The following TMEM255A variants were observed in gnomAD, a reference collection of about 807,000 sequenced individuals.
The protein encoded by TMEM255A is transmembrane protein 255A.
TMEM255A carries 14 observed loss-of-function variants against 23.5 expected under a neutral mutation model. That is an observed-to-expected ratio of 0.60 (90% CI 0.39 to 0.93). TMEM255A has a LOEUF of 0.93. TMEM255A is among the 40% of genes least tolerant of loss of function. TMEM255A has a pLI of 0.00. For missense variants in TMEM255A, 233 were observed against 261.7 expected, an observed-to-expected ratio of 0.89 and a Z score of 0.76; for synonymous variants, 104 against 100.3, an observed-to-expected ratio of 1.04 and a Z score of -0.22.
In TMEM255A at chrX:120,285,300, G is replaced by C. The variant is rs1248886799; in HGVS notation, c.424-85C>G. The C allele has an allele frequency of 1.1e-5, 9 of 821,107 alleles. No individual in the cohort carries two copies. The African/African-American group carries it at 1.8e-4, about 17-fold the overall frequency. The allele number at this position is 821,107 out of a possible 1,213,427, so 67.7% of individuals were successfully genotyped here. A position where few individuals can be genotyped will look rare whatever the true frequency, so the allele number is the denominator to read the frequency against. On this transcript the variant is annotated intron_variant, in intron 5 of 8. Transcript: ENST00000371369. ...GGATTGGAAATGCGAGTTAGTGACT[G>C]ATGGAGACAGTAAGGATGGCTTTGA...
intron 5 of TMEM255A, chrX:120,286,052 T>C: frequency 6.5e-6 from 3 of 460,907 alleles, no homozygotes; most frequent in Non-Finnish European, 1.0e-5. Flanking sequence ...GATAAGCTGT[T>C]ATCATATATG....
At chrX:120,279,482 A>G (rs2057822591) in intron 6 of TMEM255A, among the ~76,000 whole-genome samples, 1 of 112,391 alleles carries the variant, frequency 8.9e-6, no homozygotes, top group Non-Finnish European at 1.9e-5. Context: ...TATTCTCTGA[A>G]AAGGACAGAC....
intron 2 of TMEM255A, among the ~76,000 whole-genome samples, chrX:120,295,500 A>T (rs2057948296): frequency 8.9e-6 from 1 of 111,839 alleles, no homozygotes; most frequent in Non-Finnish European, 1.9e-5. Context: ...GTCTCTTGGG[A>T]AACAGATGCT....
At chrX:120,294,269 C>T (rs2057938362) in intron 2 of TMEM255A, among the ~76,000 whole-genome samples, 1 of 108,532 alleles carries the variant, frequency 9.2e-6, no homozygotes, top group Non-Finnish European at 1.9e-5. Flanking sequence ...CCCGTCTCTA[C>T]TAAAAATACA....
Position 120,311,420 on chromosome X carries a change from AGCT to A in TMEM255A, c.-114_-112del. The stretch of plus-strand genomic sequence containing the variant: ...GGTTGCCTCTCTCGGTCCTTCCGAG[AGCT>A]GAGAGACACTGCCTCTGGTTGCGAG... On this transcript the variant is annotated 5_prime_UTR_variant, in exon 1 of 9. Coordinates refer to ENST00000371369, the MANE Select transcript of TMEM255A (RefSeq NM_001104544.3). The A allele has an allele frequency of 3.2e-6, 2 of 621,127 alleles. No homozygotes were observed. The highest frequency in any genetic ancestry group is 5.3e-6 in the Non-Finnish European group (2 of 380,224). The allele number at this position is 621,127 out of a possible 1,213,427, so 51.2% of individuals were successfully genotyped here. A position where few individuals can be genotyped will look rare whatever the true frequency, so the allele number is the denominator to read the frequency against.
At chrX:120,254,886 A>C, downstream of TMEM255A, 1 of 1,211,792 alleles carries the variant, frequency 8.3e-7, no homozygotes, top group Non-Finnish European at 1.1e-6. Context: ...AGTAGATGGA[A>C]GGGTCTATTA....
chrX:120,261,729 T>G lies in TMEM255A; in HGVS notation c.820-701A>C, dbSNP rs1427134139. Among the ~76,000 whole-genome samples, 3 of 112,056 alleles carry G rather than the reference T, an allele frequency of 2.7e-5. No homozygotes were observed. The East Asian group carries it at 8.4e-4, about 31-fold the overall frequency. The stretch of plus-strand genomic sequence containing the variant: ...ACACTGAGTATTCAGTTTTACTTTG[T>G]GTTGTCTTACTTTGGGAAAGGAATG... On this transcript the variant is annotated intron_variant, in intron 8 of 8. Transcript: ENST00000371369.
chrX:120,311,202 G>A, intron 1 of TMEM255A, 50 bp downstream of exon 1: 2 of 1,071,218 alleles, frequency 1.9e-6, no homozygotes, highest in Non-Finnish European at 2.5e-6. Context: ...CAGAGGCCAG[G>A]GCACTCAACC....
At chrX:120,304,517 T>G (rs41310458) in intron 1 of TMEM255A, 26 bp from the exon 2 acceptor site, 106,169 of 1,201,475 alleles carry the variant, frequency 0.088, 3,441 homozygotes, top group East Asian at 0.16. Flanking sequence ...GAAATTAAAA[T>G]TGCTCATTTC....
At chrX:120,297,335 G>A (rs998136101) in intron 2 of TMEM255A, among the ~76,000 whole-genome samples, 32 of 99,617 alleles carry the variant, frequency 3.2e-4, no homozygotes, top group African/African-American at 1.1e-3. Context: ...AGTATGTAGT[G>A]TGATTTGCAT....
chrX:120,306,510 CTCTTT>C (rs1556027104), intron 1 of TMEM255A, among the ~76,000 whole-genome samples: 1 of 111,608 alleles, frequency 9.0e-6, no homozygotes, highest in African/African-American at 3.3e-5. Flanking sequence ...GTCTTCCCTT[CTCTTT>C]TGTCACTCAC....
intron 7 of TMEM255A, among the ~76,000 whole-genome samples, chrX:120,276,610 T>C (rs2057800232): frequency 9.0e-6 from 1 of 111,505 alleles, no homozygotes; most frequent in African/African-American, 3.3e-5. Context: ...CCAGTGCGAA[T>C]GGGGGAACTG....
intron 8 of TMEM255A, among the ~76,000 whole-genome samples, chrX:120,263,657 G>A (rs140664807): frequency 2.2e-4 from 24 of 110,844 alleles, no homozygotes; most frequent in Non-Finnish European, 3.8e-4. Context: ...AGCATCTGTC[G>A]GTATTGTGCA....
rs2057657681 is a variant in TMEM255A, at chrX:120,259,079, A to G, written c.*1791T>C. 8.9e-6 allele frequency: 1 copy of G among 112,851 alleles called. No individual in the cohort carries two copies. Among genetic ancestry groups the G allele is most frequent in the Non-Finnish European group, 1.9e-5 (1 of 53,270 alleles). The allele number at this position is 112,851 out of a possible 1,213,427, so 9.3% of individuals were successfully genotyped here. The stretch of plus-strand genomic sequence containing the variant: ...ACACTTTAAGAAATGTGATAAATGT[A>G]GGATAAACTGTGTAATGGTGCCTTA... On this transcript the variant is annotated 3_prime_UTR_variant, in exon 9 of 9. Transcript: ENST00000371369.
intron 2 of TMEM255A, among the ~76,000 whole-genome samples, chrX:120,296,154 A>T (rs1307476926): frequency 8.9e-6 from 1 of 111,920 alleles, no homozygotes; most frequent in East Asian, 2.8e-4. Flanking sequence ...TCAGCTTCCA[A>T]AGGTATTCGC....
At chrX:120,274,237 T>C (rs1019222385) in intron 7 of TMEM255A, among the ~76,000 whole-genome samples, 2 of 111,711 alleles carry the variant, frequency 1.8e-5, no homozygotes, top group African/African-American at 6.5e-5. Context: ...AGACAGCAGA[T>C]TAGGGGTTGC....
the TMEM255A span, among the ~76,000 whole-genome samples, chrX:120,252,468 ACAT>A: frequency 8.9e-6 from 1 of 111,781 alleles, no homozygotes; most frequent in Non-Finnish European, 1.9e-5. Context: ...CATTCTACTG[ACAT>A]CATCCCCTTT....
At chrX:120,271,072 G>A (rs1194582586) in intron 7 of TMEM255A, among the ~76,000 whole-genome samples, 2 of 111,202 alleles carry the variant, frequency 1.8e-5, no homozygotes, top group Non-Finnish European at 3.8e-5. Context: ...CCTGGTCCTT[G>A]ATAGAGTTCC....
chrX:120,270,854 G>C (rs1430311291), intron 7 of TMEM255A, among the ~76,000 whole-genome samples: 1 of 111,182 alleles, frequency 9.0e-6, no homozygotes, highest in African/African-American at 3.3e-5. Context: ...CACATCACAA[G>C]TCACCAACCA....
Sources: gnomAD v4.1 joint callset for allele counts (sites outside exome capture counted in the v4.1 genomes callset) on GRCh38, gnomAD v4.1.1 for gene constraint, MANE v1.5 for transcripts, NCBI Gene and HGNC (gene_info 2026-07-23, HGNC 2026-07-21) for gene names.